Variants in C4orf50 observed in about 807,000 individuals in gnomAD.
C4orf50 encodes the protein uncharacterized protein C4orf50.
C4orf50 carries 80 observed loss-of-function variants against 77.2 expected under a neutral mutation model. That is an observed-to-expected ratio of 1.04 (90% CI 0.87 to 1.25). The LOEUF (loss-of-function observed/expected upper bound fraction) is 1.25, where lower values mean the gene tolerates loss of function less well. C4orf50 is among the 50% of genes most tolerant of loss of function. The pLI, the probability that C4orf50 is intolerant of heterozygous loss-of-function variation, is 0.00. For synonymous variants in C4orf50, 532 were observed against 465.3 expected (o/e 1.14, Z -1.84); for missense variants, 1,257 against 1,152.9 (o/e 1.09, Z -1.31).
At position 5,967,402 on chromosome 4, in the gene C4orf50, A is replaced by G. The variant is rs1040263980; in HGVS notation, c.4153+12T>C. The G allele has an allele frequency of 6.2e-7, 1 of 1,612,020 alleles. No individual in the cohort carries two copies. Among genetic ancestry groups the G allele is most frequent in the Non-Finnish European group, 8.5e-7 (1 of 1,178,140 alleles). On this transcript the variant is annotated intron_variant, in intron 32 of 33. Coordinates refer to ENST00000531445, the Ensembl canonical transcript of C4orf50. ...AGCACACAGGCTTTTCCTGATCAAA[A>G]ATCACACTGACCTCTTAAAGCTGCC...
Position 5,976,985 on chromosome 4 carries a change from T to G in C4orf50, c.3865-1030A>C, listed in dbSNP as rs368188973. ...CTGAATAGGACTGGCAGCTTCCACTTTGGGTCTCTTCTGTTTCTGAGCCAG... is the reference window on the plus strand; with the variant it reads ...CTGAATAGGACTGGCAGCTTCCACTGTGGGTCTCTTCTGTTTCTGAGCCAG... On this transcript the variant is annotated intron_variant, in intron 29 of 33. Transcript: ENST00000531445. Among the ~76,000 whole-genome samples the G allele has an allele frequency of 6.0e-4, 91 of 152,328 alleles. 2 individuals carry two copies. In the South Asian group the frequency reaches 0.017, roughly 29 times the overall value.
chr4:5,973,541 G>C, intron 31 of C4orf50, 118 bp downstream of exon 9: 1 of 855,176 alleles, frequency 1.2e-6, no homozygotes, highest in Non-Finnish European at 1.9e-6. Context: ...TTCTTGGGTA[G>C]TGTCCGCGGT....
In C4orf50 at chr4:5,900,761, T is replaced by A. The variant is rs902447233; in HGVS notation, c.*2475-2573A>T. On this transcript the variant is annotated intron_variant, in intron 7 of 7. Transcript: ENST00000324058. The surrounding 1 kb of genome is among the most constrained non-coding windows in gnomAD (Gnocchi z 4.3). The stretch of plus-strand genomic sequence containing the variant: ...TCATCTGGGAATCAGTTTCCTCGCC[T>A]GTAAAATGGGGAGGAGAAGGATGCT... 2.0e-5 allele frequency: 3 copies of A among 152,226 alleles called. No individual in the cohort carries two copies. Among genetic ancestry groups the A allele is most frequent in the Non-Finnish European group, 4.4e-5 (3 of 68,046 alleles). 9.4% of individuals were successfully genotyped at this position (152,226 alleles called of 1,614,324 possible).
chr4:5,946,698 A>T lies in C4orf50; in HGVS notation c.*2474+10203T>A, dbSNP rs1457994564. Among the ~76,000 whole-genome samples the T allele has an allele frequency of 4.6e-5, 7 of 152,308 alleles. No homozygotes were observed. In the South Asian group the frequency reaches 1.0e-3, roughly 23 times the overall value. ...TAGAAAAGTTTTAAACTGTTAGCCA[A>T]TCGGGTTTCAGTTTAGATTGTGCGG... On this transcript the variant is annotated intron_variant, in intron 7 of 7. Transcript: ENST00000324058.
chr4:5,937,652 A>C (rs1448406876), intron 7 of C4orf50, among the ~76,000 whole-genome samples: 1 of 152,238 alleles, frequency 6.6e-6, no homozygotes, highest in Non-Finnish European at 1.5e-5. Context: ...GTAAGCTTAA[A>C]AAATTTAAAA....
At chr4:5,994,591 A>G (rs4993359) in intron 25 of C4orf50, 115 bp from the exon 4 acceptor site, 34,379 of 397,628 alleles carry the variant, frequency 0.086, 2,352 homozygotes, top group African/African-American at 0.25. Flanking sequence ...TCCACAGGTG[A>G]GGAAACTGAG....
chr4:5,903,528 T>C (rs1426239919), intron 7 of C4orf50: 1 of 152,170 alleles, frequency 6.6e-6, no homozygotes, highest in Non-Finnish European at 1.5e-5. Flanking sequence ...TGCTAAGTGA[T>C]ATAAACTAGT....
chr4:5,923,219 G>A lies in C4orf50; in HGVS notation c.*2475-25031C>T, dbSNP rs191070490. The A allele has an allele frequency of 3.1e-3, 477 of 154,432 alleles. 2 individuals are homozygous for A. Among genetic ancestry groups the A allele is most frequent in the Admixed American group, 3.0e-3 (46 of 15,306 alleles). The allele number at this position is 154,432 out of a possible 1,614,324, so 9.6% of individuals were successfully genotyped here. Reference sequence around the variant, plus strand: ...CAGATGAGAAACTGATATTCAGGGAGGTTACAAATGTGGCCGAAGGATCGC... The same window carrying A: ...CAGATGAGAAACTGATATTCAGGGAAGTTACAAATGTGGCCGAAGGATCGC... On this transcript the variant is annotated intron_variant, in intron 7 of 7. Transcript: ENST00000324058.
chr4:6,016,821 A>C (rs1228511810), intron 23 of C4orf50, among the ~76,000 whole-genome samples: 1 of 152,232 alleles, frequency 6.6e-6, no homozygotes, highest in Non-Finnish European at 1.5e-5. Flanking sequence ...AAAAGGAAGA[A>C]AAGTAAATCA....
intron 7 of C4orf50, chr4:5,898,326 G>A (rs1410121960): frequency 1.3e-5 from 2 of 152,204 alleles, no homozygotes; most frequent in Non-Finnish European, 2.9e-5. Context: ...ATAGACCCCA[G>A]CCTCCCACCA....
intron 7 of C4orf50, among the ~76,000 whole-genome samples, chr4:5,907,214 C>T (rs1013912118): frequency 3.3e-5 from 5 of 152,318 alleles, no homozygotes; most frequent in African/African-American, 1.2e-4. Context: ...TCTTTCCCTA[C>T]ATTATACATG....
intron 7 of C4orf50, among the ~76,000 whole-genome samples, chr4:5,933,269 G>T (rs1026854345): frequency 6.6e-6 from 1 of 152,206 alleles, no homozygotes; most frequent in Non-Finnish European, 1.5e-5. Flanking sequence ...GAACACAAGC[G>T]CAATGTTTGC....
chr4:5,988,250 T>TTAC, intron 28 of C4orf50, 97 bp downstream of exon 6: 7 of 1,468,640 alleles, frequency 4.8e-6, no homozygotes, highest in Non-Finnish European at 6.5e-6. Flanking sequence ...TGATTGTACC[T>TTAC]CCCTCACAGG....
chr4:5,952,963 C>T (rs115746576), downstream of C4orf50, among the ~76,000 whole-genome samples: 2,722 of 152,288 alleles, frequency 0.018, 83 homozygotes, highest in African/African-American at 0.062. This position sits in a 1 kb window ranked among gnomAD's most constrained non-coding sequence, Gnocchi z 4.4. Context: ...AAGGGACAGC[C>T]GAAGGGAACC....
intron 25 of C4orf50, among the ~76,000 whole-genome samples, chr4:5,996,393 G>A (rs1196078004): frequency 7.9e-5 from 12 of 152,072 alleles, no homozygotes; most frequent in South Asian, 2.1e-4. Flanking sequence ...ACCCTTCGAC[G>A]CTTCCTGTTA....
chr4:5,994,156 T>C (rs1721446849), intron 26 of C4orf50, among the ~76,000 whole-genome samples, 191 bp downstream of exon 4: 1 of 152,194 alleles, frequency 6.6e-6, no homozygotes, highest in South Asian at 2.1e-4. Context: ...TTGCATACTC[T>C]GATCCCACCT....
At chr4:6,014,210 C>G (rs1722599500) in intron 23 of C4orf50, among the ~76,000 whole-genome samples, 1 of 152,134 alleles carries the variant, frequency 6.6e-6, no homozygotes, top group Admixed American at 6.5e-5. Context: ...CCATGTTGGT[C>G]AGGCTGGTCT....
chr4:6,006,630 A>G (rs1046875204), intron 25 of C4orf50, among the ~76,000 whole-genome samples: 9 of 152,232 alleles, frequency 5.9e-5, no homozygotes, highest in African/African-American at 2.2e-4. Flanking sequence ...GTAGGAATAC[A>G]TAAAATGTAA....
intron 28 of C4orf50, among the ~76,000 whole-genome samples, chr4:5,986,114 A>G (rs1009897519): frequency 4.6e-5 from 7 of 152,262 alleles, no homozygotes; most frequent in East Asian, 1.9e-4. Flanking sequence ...AATAGACAAC[A>G]TATCAGCAAA....
Sources: allele counts gnomAD v4.1 joint callset (sites outside exome capture counted in the v4.1 genomes callset), GRCh38; gene constraint gnomAD v4.1.1; non-coding constraint Gnocchi (gnomAD v3.1); transcripts MANE v1.5; gene names NCBI Gene and HGNC (gene_info 2026-07-23, HGNC 2026-07-21).